STK33: variants seen among roughly 807,000 people sequenced by gnomAD.
STK33 encodes the protein serine/threonine kinase 33.
STK33 carries 52 observed loss-of-function variants against 58.0 expected under a neutral mutation model. The observed-to-expected ratio is 0.90, with a 90% CI of 0.72 to 1.13. STK33 has a LOEUF of 1.13. Among genes scored for constraint, STK33 ranks in the 50% most tolerant of loss-of-function variants. The pLI, the probability that STK33 is intolerant of heterozygous loss-of-function variation, is 0.00. For missense variants in STK33, 630 were observed against 604.2 expected (o/e 1.04, Z -0.45); for synonymous variants, 215 against 200.1 (o/e 1.07, Z -0.63).
At chr11:8,516,278 C>T (rs1167063440) in intron 1 of STK33, among the ~76,000 whole-genome samples, 1 of 152,182 alleles carries the variant, frequency 6.6e-6, no homozygotes, top group Non-Finnish European at 1.5e-5. Context: ...TGACCTTCAA[C>T]AAAGATGCTA....
intron 1 of STK33, among the ~76,000 whole-genome samples, chr11:8,519,519 C>CA (rs1195888509): frequency 5.3e-5 from 8 of 151,852 alleles, no homozygotes; most frequent in South Asian, 2.1e-4. Context: ...GACAGAGACA[C>CA]AAAAAACCCT....
At chr11:8,585,471 C>T (rs939493377) in intron 1 of STK33, among the ~76,000 whole-genome samples, 9 of 148,096 alleles carry the variant, frequency 6.1e-5, no homozygotes, top group East Asian at 4.1e-4. Flanking sequence ...GTGATCCACC[C>T]GCCTCAGCCT....
chr11:8,459,130 T>A (rs1021089928), intron 8 of STK33, among the ~76,000 whole-genome samples: 5 of 152,180 alleles, frequency 3.3e-5, no homozygotes, highest in Admixed American at 1.3e-4. Context: ...TTGGTCAATT[T>A]TAAATATATA....
rs559378849 is a variant in STK33, at chr11:8,476,737, T to C, written c.-212A>G. Reference sequence around the variant, plus strand: ...TTATCATTTCACTCAGGAAGTTTCATAGCAGAGTCCTCTCCTACTTTTATT... The same window carrying C: ...TTATCATTTCACTCAGGAAGTTTCACAGCAGAGTCCTCTCCTACTTTTATT... On this transcript the variant is annotated 5_prime_UTR_variant, in exon 4 of 16. It removes an upstream start codon present in the reference 5' UTR. Coordinates refer to ENST00000687296, the MANE Select transcript of STK33 (RefSeq NM_001352389.2). 3 of 152,346 alleles carry C rather than the reference T, an allele frequency of 2.0e-5. No homozygotes were observed. Among genetic ancestry groups the C allele is most frequent in the East Asian group, 1.9e-4 (1 of 5,190 alleles). 9.4% of individuals were successfully genotyped at this position (152,346 alleles called of 1,614,324 possible). A position where few individuals can be genotyped will look rare whatever the true frequency, so the allele number is the denominator to read the frequency against.
intron 1 of STK33, among the ~76,000 whole-genome samples, chr11:8,517,114 G>A (rs1034979881): frequency 1.3e-5 from 2 of 152,144 alleles, no homozygotes; most frequent in African/African-American, 4.8e-5. Context: ...ATACAGCCGG[G>A]TGCCCCTCTG....
intron 1 of STK33, among the ~76,000 whole-genome samples, chr11:8,535,065 A>G (rs1410152552): frequency 1.3e-5 from 2 of 152,168 alleles, no homozygotes; most frequent in African/African-American, 4.8e-5. Flanking sequence ...TTAGGAAAAA[A>G]TATTTCCTTT....
chr11:8,519,949 T>C (rs1953236253), intron 1 of STK33, among the ~76,000 whole-genome samples: 1 of 152,232 alleles, frequency 6.6e-6, no homozygotes, highest in African/African-American at 2.4e-5. Context: ...TCTGAAGCTA[T>C]TTCAATCAAT....
intron 14 of STK33, among the ~76,000 whole-genome samples, chr11:8,431,001 G>T (rs1303551806): frequency 6.6e-6 from 1 of 151,676 alleles, no homozygotes; most frequent in African/African-American, 2.4e-5. Flanking sequence ...CAAGTAGCTG[G>T]GACTACCAGC....
At chr11:8,560,137 A>G (rs768901375) in intron 1 of STK33, among the ~76,000 whole-genome samples, 16 of 152,178 alleles carry the variant, frequency 1.1e-4, no homozygotes, top group Admixed American at 1.0e-3. Flanking sequence ...TAAGATGAAT[A>G]TATTTGTAGA....
chr11:8,365,947 A>G, the STK33 span, among the ~76,000 whole-genome samples: 225 of 152,162 alleles, frequency 1.5e-3, 1 homozygote, highest in African/African-American at 5.1e-3. Context: ...CTGTCTGTCT[A>G]TCTGTCTGTC....
chr11:8,389,391 G>T (rs1407579304), downstream of STK33, among the ~76,000 whole-genome samples: 1 of 152,216 alleles, frequency 6.6e-6, no homozygotes, highest in Non-Finnish European at 1.5e-5. Flanking sequence ...GAAGCCCAGG[G>T]AGTGTGTTAA....
intron 1 of STK33, among the ~76,000 whole-genome samples, chr11:8,588,847 C>A (rs1386758695): frequency 6.6e-6 from 1 of 152,068 alleles, no homozygotes; most frequent in Non-Finnish European, 1.5e-5. Context: ...TAAAAACAGA[C>A]AAAATATTTG....
rs1947959114 is a variant in STK33, at chr11:8,464,689, A to C, written c.453+20T>G. 1 of 1,563,040 alleles carries C rather than the reference A, an allele frequency of 6.4e-7. No homozygotes were observed. Among genetic ancestry groups the C allele is most frequent in the Non-Finnish European group, 8.8e-7 (1 of 1,134,334 alleles). Reference sequence around the variant, plus strand: ...GCACTAACACTGTGCCCTCAGTAGGATGCTGCTAATGAGCCTTACCTTTTC... The same window carrying C: ...GCACTAACACTGTGCCCTCAGTAGGCTGCTGCTAATGAGCCTTACCTTTTC... On this transcript the variant is annotated intron_variant, in intron 7 of 15. Transcript: ENST00000687296.
At chr11:8,529,816 C>T (rs576636485) in intron 1 of STK33, among the ~76,000 whole-genome samples, 1 of 152,302 alleles carries the variant, frequency 6.6e-6, no homozygotes, top group Admixed American at 6.5e-5. Flanking sequence ...AGGAAGAACA[C>T]AGGCATGCTG....
intron 15 of STK33, among the ~76,000 whole-genome samples, chr11:8,408,815 G>A (rs1027758672): frequency 2.6e-5 from 4 of 152,294 alleles, no homozygotes; most frequent in Non-Finnish European, 4.4e-5. Flanking sequence ...GAGAAACCAC[G>A]AGCAAGCTTC....
chr11:8,481,053 C>T (rs1462352871), intron 1 of STK33, among the ~76,000 whole-genome samples: 1 of 152,094 alleles, frequency 6.6e-6, no homozygotes, highest in East Asian at 1.9e-4. Flanking sequence ...GAGGAGCTGT[C>T]CAAAGCCAGC....
rs1564953404 is a variant in STK33 at position 8,435,590 on chromosome 11, GA to G, written c.1061-12del. ...TCAAAACACTTTTAGCTAAAAATAAGAAAAAAATCCTGAAAAATCTTATTTA... is the reference window on the plus strand; with the variant it reads ...TCAAAACACTTTTAGCTAAAAATAAGAAAAAATCCTGAAAAATCTTATTTA... On this transcript the variant is annotated splice_polypyrimidine_tract_variant and intron_variant, in intron 13 of 15. Transcript: ENST00000687296. The G allele has an allele frequency of 1.4e-6, 2 of 1,447,444 alleles. No individual in the cohort carries two copies. The highest frequency in any genetic ancestry group is 1.8e-6 in the Non-Finnish European group (2 of 1,085,494). The allele number at this position is 1,447,444 out of a possible 1,614,324, so 89.7% of individuals were successfully genotyped here. A position where few individuals can be genotyped will look rare whatever the true frequency, so the allele number is the denominator to read the frequency against.
At chr11:8,397,563 C>T (rs998131880) in intron 15 of STK33, among the ~76,000 whole-genome samples, 1 of 152,180 alleles carries the variant, frequency 6.6e-6, no homozygotes, top group East Asian at 1.9e-4. Context: ...ACCTCTCCTC[C>T]TCCAAAGGAA....
At chr11:8,376,630 C>T in the STK33 span, among the ~76,000 whole-genome samples, 1 of 152,046 alleles carries the variant, frequency 6.6e-6, no homozygotes, top group South Asian at 2.1e-4. Flanking sequence ...CAACTTCTGC[C>T]TCCCGGGTTC....
Sources: allele counts gnomAD v4.1 joint callset (sites outside exome capture counted in the v4.1 genomes callset), GRCh38; gene constraint gnomAD v4.1.1; transcripts MANE v1.5; gene names NCBI Gene and HGNC (gene_info 2026-07-23, HGNC 2026-07-21).